Variants in PLA2G4E observed in about 807,000 individuals in gnomAD.
PLA2G4E encodes phospholipase A2 group IVE, also known as cytosolic phospholipase A2 epsilon.
In PLA2G4E, 84 loss-of-function variants were observed where a neutral mutation model predicts 109.1. The observed-to-expected ratio is 0.77, with a 90% CI of 0.65 to 0.92. The LOEUF (loss-of-function observed/expected upper bound fraction) is 0.92, where lower values mean the gene tolerates loss of function less well. PLA2G4E is among the 40% of genes least tolerant of loss of function. The pLI is 0.00. For synonymous variants in PLA2G4E, 469 were observed against 436.1 expected, an observed-to-expected ratio of 1.08 and a Z score of -0.94; for missense variants, 1,057 against 1,076.6, an observed-to-expected ratio of 0.98 and a Z score of 0.25.
chr15:42,005,677 T>A (rs529513293), intron 4 of PLA2G4E, among the ~76,000 whole-genome samples: 1 of 152,356 alleles, frequency 6.6e-6, no homozygotes, highest in Non-Finnish European at 1.5e-5. Flanking sequence ...GAACCAAGAC[T>A]TACTACCTCT....
intron 1 of PLA2G4E, among the ~76,000 whole-genome samples, chr15:42,035,665 G>A (rs1444405585): frequency 6.6e-6 from 1 of 152,100 alleles, no homozygotes; most frequent in Non-Finnish European, 1.5e-5. Flanking sequence ...TTTAACCAAA[G>A]GTTAAACACT....
intron 6 of PLA2G4E, 139 bp from the exon 7 acceptor site, chr15:42,001,359 G>A: frequency 1.3e-6 from 1 of 777,592 alleles, no homozygotes; most frequent in South Asian, 1.7e-5. Context: ...TGCAGAATGT[G>A]TTGACCACAT....
At position 41,984,726 on chromosome 15, in the gene PLA2G4E, C is replaced by T. The variant is rs915675180; in HGVS notation, c.2203-107G>A. The T allele has an allele frequency of 4.9e-5, 52 of 1,063,958 alleles. No homozygotes were observed. The Admixed American group carries it at 5.8e-4, about 12-fold the overall frequency. 65.9% of individuals were successfully genotyped at this position (1,063,958 alleles called of 1,614,324 possible). A position where few individuals can be genotyped will look rare whatever the true frequency, so the allele number is the denominator to read the frequency against. ...CTGATTTCCCCAGCTAACAACTCAGCTCCCCAACTGCTTTGCCAGTGTATG... is the reference window on the plus strand; with the variant it reads ...CTGATTTCCCCAGCTAACAACTCAGTTCCCCAACTGCTTTGCCAGTGTATG... On this transcript the variant is annotated intron_variant, in intron 18 of 19. Coordinates refer to ENST00000399518, the Ensembl canonical transcript of PLA2G4E.
chr15:41,986,659 G>A (rs575358408), intron 17 of PLA2G4E, among the ~76,000 whole-genome samples: 1 of 152,090 alleles, frequency 6.6e-6, no homozygotes, highest in African/African-American at 2.4e-5. Flanking sequence ...TGGGACTACA[G>A]GTGCTCATCA....
chr15:42,029,835 C>T (rs561599653), intron 1 of PLA2G4E, among the ~76,000 whole-genome samples: 1 of 152,198 alleles, frequency 6.6e-6, no homozygotes, highest in Admixed American at 6.5e-5. Context: ...TATAAGTGAT[C>T]CACAGTACAG....
rs536966468 is a variant in PLA2G4E, at chr15:42,006,017, G to A, written c.498C>T (p.Thr166=). ...GCGGGTTGAGTGGAAACTTCACGTG[G>A]GTTTTCTTTCGGAAACAGAGCTTGG... The change falls in exon 4 of 20, where the codon ACC becomes ACT. Residue 166 remains threonine (T), a synonymous_variant. Transcript: ENST00000399518. The A allele has an allele frequency of 2.0e-4, 321 of 1,613,916 alleles. 7 individuals are homozygous for A. In the South Asian group the frequency reaches 3.2e-3, roughly 16 times the overall value.
intron 5 of PLA2G4E, among the ~76,000 whole-genome samples, chr15:42,004,553 G>C (rs1182849642): frequency 6.6e-6 from 1 of 152,160 alleles, no homozygotes; most frequent in Non-Finnish European, 1.5e-5. Context: ...TAACAGTTCT[G>C]GTCAAGGAAG....
chr15:41,988,098 G>A, exon 16 of PLA2G4E: 1 of 1,608,392 alleles, frequency 6.2e-7, no homozygotes, highest in Non-Finnish European at 8.5e-7. Context: ...ACTCCTCCGA[G>A]GTGTGTGACA....
At chr15:42,038,178 T>A (rs2141075031) in intron 1 of PLA2G4E, among the ~76,000 whole-genome samples, 1 of 152,326 alleles carries the variant, frequency 6.6e-6, no homozygotes, top group East Asian at 1.9e-4. Flanking sequence ...ATGTGTAATA[T>A]TCTGATGTGT....
intron 1 of PLA2G4E, among the ~76,000 whole-genome samples, chr15:42,017,359 T>C (rs2068605132): frequency 6.6e-6 from 1 of 152,230 alleles, no homozygotes; most frequent in Non-Finnish European, 1.5e-5. Flanking sequence ...TGCCTTCCAA[T>C]GCAGGTGACC....
chr15:41,992,626 A>G, intron 13 of PLA2G4E, 111 bp downstream of exon 13: 3 of 1,018,834 alleles, frequency 2.9e-6, no homozygotes, highest in South Asian at 3.3e-5. Context: ...ATACTCCCGC[A>G]GGTCTAACCT....
chr15:42,046,918 C>T (rs1889426451), intron 1 of PLA2G4E, among the ~76,000 whole-genome samples: 1 of 152,120 alleles, frequency 6.6e-6, no homozygotes, highest in Non-Finnish European at 1.5e-5. Context: ...TTTAGGGTTA[C>T]TGGATGACAA....
chr15:42,008,612 C>G (rs537662609), intron 2 of PLA2G4E, among the ~76,000 whole-genome samples: 1 of 152,166 alleles, frequency 6.6e-6, no homozygotes, highest in Non-Finnish European at 1.5e-5. Flanking sequence ...CAAGCCCTCC[C>G]AAAATGACAG....
chr15:42,042,615 C>A (rs1051012762), intron 1 of PLA2G4E, among the ~76,000 whole-genome samples: 5 of 152,156 alleles, frequency 3.3e-5, no homozygotes, highest in Non-Finnish European at 1.5e-5. Context: ...AGTATCTTCT[C>A]CCATGGCCAT....
chr15:42,016,277 ACT>A (rs915723864), intron 1 of PLA2G4E, among the ~76,000 whole-genome samples: 13 of 120,342 alleles, frequency 1.1e-4, no homozygotes, highest in African/African-American at 4.2e-4. Context: ...ACAGGGTCTC[ACT>A]CTGTTGCCTT....
At chr15:42,036,235 T>TGG (rs1158438413) in intron 1 of PLA2G4E, among the ~76,000 whole-genome samples, 2 of 152,114 alleles carry the variant, frequency 1.3e-5, no homozygotes, top group African/African-American at 4.8e-5. Flanking sequence ...CCCACCGCCC[T>TGG]GGGGGCCGCG....
chr15:42,003,397 G>A (rs2068440646), intron 5 of PLA2G4E, among the ~76,000 whole-genome samples: 1 of 152,214 alleles, frequency 6.6e-6, no homozygotes, highest in African/African-American at 2.4e-5. Context: ...TAGCTGGGAT[G>A]ACAGGTGCAT....
chr15:42,041,748 G>A (rs1263863387), intron 1 of PLA2G4E, among the ~76,000 whole-genome samples: 2 of 152,148 alleles, frequency 1.3e-5, no homozygotes, highest in Admixed American at 1.3e-4. Context: ...GTCTCTTTGA[G>A]GGGAACTGGC....
At chr15:42,010,136 C>A (rs2068519656) in intron 2 of PLA2G4E, 1 of 471,540 alleles carries the variant, frequency 2.1e-6, no homozygotes, top group Non-Finnish European at 4.2e-6. Context: ...ACACTGGCCC[C>A]CCCACCCCGG....
Sources: allele counts gnomAD v4.1 joint callset (sites outside exome capture counted in the v4.1 genomes callset), GRCh38; gene constraint gnomAD v4.1.1; transcripts MANE v1.5; gene names NCBI Gene and HGNC (gene_info 2026-07-23, HGNC 2026-07-21).